The following ALG13 variants were observed in gnomAD, a reference collection of about 807,000 sequenced individuals.
ALG13 encodes the protein ALG13 UDP-N-acetylglucosaminyltransferase subunit.
A neutral mutation model predicts 87.8 loss-of-function variants in ALG13; 11 were observed. The ratio of observed to expected loss-of-function variants is 0.13; its 90% CI spans 0.08 to 0.21. The LOEUF (loss-of-function observed/expected upper bound fraction) is 0.21. ALG13 is among the 10% of genes least tolerant of loss of function. ALG13 has a pLI of 1.00. For missense variants in ALG13, 756 were observed against 866.1 expected, an observed-to-expected ratio of 0.87 and a Z score of 1.60; for synonymous variants, 320 against 306.3, an observed-to-expected ratio of 1.04 and a Z score of -0.47.
intron 13 of ALG13, among the ~76,000 whole-genome samples, chrX:111,723,130 T>A (rs1427203180): frequency 3.7e-5 from 4 of 107,720 alleles, no homozygotes; most frequent in African/African-American, 1.3e-4. Context: ...TAATTTTTTT[T>A]ATTTTTATTT....
intron 12 of ALG13, among the ~76,000 whole-genome samples, chrX:111,722,125 G>GA (rs1941460442): frequency 9.0e-6 from 1 of 111,666 alleles, no homozygotes; most frequent in Admixed American, 9.5e-5. Context: ...TTAAATGGCA[G>GA]AAAAAATTAA....
At chrX:111,725,188 A>G (rs936889722) in intron 15 of ALG13, 127 bp downstream of exon 15, 11 of 790,544 alleles carry the variant, frequency 1.4e-5, no homozygotes, top group Middle Eastern at 3.2e-4. Flanking sequence ...CAACTTTAGC[A>G]TTACTGATAA....
intron 23 of ALG13, among the ~76,000 whole-genome samples, chrX:111,740,561 G>A (rs1943655140): frequency 9.0e-6 from 1 of 110,970 alleles, no homozygotes; most frequent in African/African-American, 3.3e-5. Context: ...GCTCTGTGGA[G>A]AAATGGCTGA....
Position 111,692,679 on chromosome X carries a change from A to G in ALG13, c.383+7576A>G, listed in dbSNP as rs1431697354. Among the ~76,000 whole-genome samples the G allele has an allele frequency of 3.6e-5, 4 of 112,027 alleles. No homozygotes were observed. The East Asian group carries it at 8.3e-4, about 23-fold the overall frequency. On this transcript the variant is annotated intron_variant, in intron 3 of 26. Transcript: ENST00000394780. ...CTTAATGGTATTTAAGGGTCTGTCA[A>G]ATAATGGTACCTGTCAGGGATTTGT...
chrX:111,689,499 C>T, intron 3 of ALG13: 1 of 753,927 alleles, frequency 1.3e-6, no homozygotes, highest in Non-Finnish European at 1.6e-6. Context: ...AATGCATAAC[C>T]TAAATTCCAT....
chrX:111,693,941 A>T (rs1936579499), intron 3 of ALG13, among the ~76,000 whole-genome samples: 1 of 112,013 alleles, frequency 8.9e-6, no homozygotes, highest in South Asian at 3.7e-4. Flanking sequence ...ATTGTTTATT[A>T]CTATTTTGGT....
intron 23 of ALG13, among the ~76,000 whole-genome samples, chrX:111,737,362 C>A (rs1258377841): frequency 1.8e-5 from 2 of 111,920 alleles, no homozygotes. Context: ...ATTATTGAAG[C>A]TTTTTATCTG....
intron 3 of ALG13, among the ~76,000 whole-genome samples, chrX:111,705,392 ATG>A (rs1273343369): frequency 1.8e-5 from 2 of 111,680 alleles, no homozygotes; most frequent in Non-Finnish European, 3.8e-5. Context: ...CTGGTTAGAT[ATG>A]TGATGTAAAA....
rs376207448 is a variant in ALG13, at chrX:111,759,991, G to C, written c.3406G>C (p.Gly1136Arg). 7.5e-6 allele frequency: 9 copies of C among 1,207,566 alleles called. No homozygotes were observed. The highest frequency in any genetic ancestry group is 1.0e-5 in the Non-Finnish European group (9 of 894,074). Residue 1136 changes from glycine (G) to arginine (R), a missense_variant, in exon 27 of 27, where the codon GGT becomes CGT. Gly to Arg is a moderately radical substitution (Grantham distance 125, BLOSUM62 -2). Coordinates refer to ENST00000394780, the MANE Select transcript of ALG13 (RefSeq NM_001099922.3). The stretch of plus-strand genomic sequence containing the variant: ...CCCAGCTTCTCATTATGTACCTCAG[G>C]GTATGTAAGATCCAGCAGTATGAAG... ...SPPASHYVPQ[G>R]M
intron 3 of ALG13, among the ~76,000 whole-genome samples, chrX:111,696,948 A>G (rs1937042164): frequency 9.3e-6 from 1 of 107,771 alleles, no homozygotes; most frequent in South Asian, 4.1e-4. Flanking sequence ...TTTGATTTCC[A>G]GTAGAATTTC....
chrX:111,738,422 A>G (rs1943438362), intron 23 of ALG13, among the ~76,000 whole-genome samples: 1 of 112,481 alleles, frequency 8.9e-6, no homozygotes, highest in Non-Finnish European at 1.9e-5. Context: ...AGCGCTATGT[A>G]GGCACTCAGA....
chrX:111,710,180 G>A (rs757149170), intron 5 of ALG13, among the ~76,000 whole-genome samples: 1 of 109,935 alleles, frequency 9.1e-6, no homozygotes, highest in African/African-American at 3.3e-5. Context: ...ACAGGCACAC[G>A]CCACCTCACT....
chrX:111,716,824 A>T (rs1482449445), intron 8 of ALG13: 1 of 112,159 alleles, frequency 8.9e-6, no homozygotes, highest in African/African-American at 3.2e-5. Context: ...GCTTGGTGGC[A>T]ACATCTTTCC....
intron 5 of ALG13, among the ~76,000 whole-genome samples, chrX:111,710,113 T>G (rs1221896931): frequency 9.2e-6 from 1 of 108,944 alleles, no homozygotes; most frequent in Non-Finnish European, 1.9e-5. Flanking sequence ...CGCTGCAGCC[T>G]CTGCCTACGA....
At chrX:111,726,383 G>A (rs991086745) in intron 15 of ALG13, among the ~76,000 whole-genome samples, 2 of 108,681 alleles carry the variant, frequency 1.8e-5, no homozygotes, top group Non-Finnish European at 3.8e-5. Context: ...ACAGGCGCAC[G>A]TTACCACGCC....
chrX:111,713,876 G>C (rs1356912538), intron 8 of ALG13, among the ~76,000 whole-genome samples: 1 of 112,288 alleles, frequency 8.9e-6, no homozygotes, highest in Admixed American at 9.5e-5. Flanking sequence ...ATACTCAGCA[G>C]ATAAATTGTT....
intron 3 of ALG13, chrX:111,687,797 C>T (rs2147750088): frequency 1.2e-6 from 1 of 836,688 alleles, no homozygotes; most frequent in Non-Finnish European, 1.6e-6. Flanking sequence ...CCACTATATT[C>T]TTGGAAGTTA....
At chrX:111,724,598 A>G (rs377718677) in intron 14 of ALG13, among the ~76,000 whole-genome samples, 4 of 112,207 alleles carry the variant, frequency 3.6e-5, no homozygotes, top group Non-Finnish European at 7.5e-5. Context: ...GAATCTTAAA[A>G]TGTCTCATAC....
chrX:111,726,794 T>C lies in ALG13; in HGVS notation c.1730-15T>C. The stretch of plus-strand genomic sequence containing the variant: ...ATTATGAAGCTTATTTGCTACCTCT[T>C]TGTTTGCCTGAAAGTTATATCAGAG... On this transcript the variant is annotated splice_polypyrimidine_tract_variant and intron_variant, in intron 15 of 26. Transcript: ENST00000394780. The C allele has an allele frequency of 8.3e-7, 1 of 1,210,365 alleles. No homozygotes were observed. Among genetic ancestry groups the C allele is most frequent in the Non-Finnish European group, 1.1e-6 (1 of 894,623 alleles).
Sources: allele counts gnomAD v4.1 joint callset (sites outside exome capture counted in the v4.1 genomes callset), GRCh38; gene constraint gnomAD v4.1.1; transcripts MANE v1.5; gene names NCBI Gene and HGNC (gene_info 2026-07-23, HGNC 2026-07-21).